The following MAGI2 variants were observed in gnomAD, a reference collection of about 807,000 sequenced individuals.
The protein encoded by MAGI2 is membrane associated guanylate kinase, WW and PDZ domain containing 2.
MAGI2 carries 35 observed loss-of-function variants against 133.3 expected under a neutral mutation model. The observed-to-expected ratio is 0.26, with a 90% CI of 0.20 to 0.35. MAGI2 has a LOEUF of 0.35. Among genes scored for constraint, MAGI2 ranks in the 10% least tolerant of loss-of-function variants. The probability of loss-of-function intolerance (pLI) is 1.00; values close to 1 mark genes in which losing one functional copy is unlikely to be tolerated. For missense variants in MAGI2, 1,636 were observed against 1,863.4 expected (o/e 0.88, Z 2.25); for synonymous variants, 729 against 710.6 (o/e 1.03, Z -0.41).
intron 3 of MAGI2, among the ~76,000 whole-genome samples, chr7:78,612,609 CATT>C (rs999412583): frequency 6.6e-6 from 1 of 152,132 alleles, no homozygotes; most frequent in African/African-American, 2.4e-5. Context: ...GGCCTGGTCT[CATT>C]AACGGAATAA....
At chr7:78,690,798 C>T (rs192155163) in intron 2 of MAGI2, among the ~76,000 whole-genome samples, 4 of 152,258 alleles carry the variant, frequency 2.6e-5, no homozygotes, top group African/African-American at 7.2e-5. Context: ...ATACAGGTCC[C>T]TCAAAAATAT....
chr7:78,994,422 A>G (rs1024736122), intron 2 of MAGI2, among the ~76,000 whole-genome samples: 1 of 152,102 alleles, frequency 6.6e-6, no homozygotes, highest in Non-Finnish European at 1.5e-5. Flanking sequence ...AGTTATGGAA[A>G]TAAGTGTGCA....
chr7:78,483,635 C>A (rs1584343614), intron 6 of MAGI2, among the ~76,000 whole-genome samples: 2 of 151,448 alleles, frequency 1.3e-5, no homozygotes, highest in Non-Finnish European at 2.9e-5. Context: ...TGTATTATTT[C>A]CTCCACAAAA....
At chr7:78,478,517 C>G (rs1792015071) in intron 6 of MAGI2, among the ~76,000 whole-genome samples, 1 of 151,900 alleles carries the variant, frequency 6.6e-6, no homozygotes, top group Non-Finnish European at 1.5e-5. Context: ...ACCTACATCA[C>G]AGAGTAGATT....
chr7:78,573,227 A>T lies in MAGI2; in HGVS notation c.539-51582T>A, dbSNP rs1271389808. 6.8e-5 allele frequency among the ~76,000 whole-genome samples: 4 copies of T among 58,948 alleles called. No homozygotes were observed. The South Asian group carries it at 1.3e-3, about 19-fold the overall frequency. The allele number at this position is 58,948 out of a possible 152,430, so 38.7% of individuals were successfully genotyped here. A position where few individuals can be genotyped will look rare whatever the true frequency, so the allele number is the denominator to read the frequency against. The stretch of plus-strand genomic sequence containing the variant: ...ATAAATATATATATAAATATATATA[A>T]ATATAAATATATATATATAAATATA... On this transcript the variant is annotated intron_variant, in intron 3 of 21. Transcript: ENST00000354212.
At chr7:78,945,276 G>A (rs1801326540) in intron 2 of MAGI2, among the ~76,000 whole-genome samples, 1 of 152,042 alleles carries the variant, frequency 6.6e-6, no homozygotes, top group African/African-American at 2.4e-5. Flanking sequence ...TGGCCAGGCT[G>A]GTCTCAAACT....
At chr7:78,337,810 C>T (rs1433590596) in intron 9 of MAGI2, among the ~76,000 whole-genome samples, 3 of 152,180 alleles carry the variant, frequency 2.0e-5, no homozygotes, top group African/African-American at 7.2e-5. Flanking sequence ...GTCCAATTAG[C>T]ATTGACTAGG....
intron 10 of MAGI2, among the ~76,000 whole-genome samples, chr7:78,215,418 A>G (rs1788169375): frequency 2.6e-5 from 4 of 152,190 alleles, no homozygotes; most frequent in Admixed American, 2.0e-4. Flanking sequence ...CATCCCAGCC[A>G]TCTGTGGACT....
At chr7:78,424,281 T>G (rs954674145) in intron 6 of MAGI2, among the ~76,000 whole-genome samples, 1 of 152,162 alleles carries the variant, frequency 6.6e-6, no homozygotes, top group Non-Finnish European at 1.5e-5. Context: ...CCATGTGGCA[T>G]TGAGCCTGCA....
chr7:79,389,653 A>C (rs573387117), intron 1 of MAGI2, among the ~76,000 whole-genome samples: 2 of 152,264 alleles, frequency 1.3e-5, no homozygotes, highest in East Asian at 3.9e-4. Context: ...CAAGATACTT[A>C]TTTCTAGCCA....
intron 1 of MAGI2, among the ~76,000 whole-genome samples, chr7:79,428,679 A>G (rs1847565841): frequency 6.6e-6 from 1 of 152,208 alleles, no homozygotes; most frequent in African/African-American, 2.4e-5. Flanking sequence ...AGTAACAATC[A>G]GGAGAGTCTT....
intron 6 of MAGI2, among the ~76,000 whole-genome samples, chr7:78,463,582 C>G (rs148368435): frequency 6.3e-4 from 96 of 152,234 alleles, no homozygotes; most frequent in African/African-American, 2.2e-3. Flanking sequence ...GGAGTAGATG[C>G]TACCATGTGA....
chr7:78,325,743 A>C (rs909087357), intron 9 of MAGI2, among the ~76,000 whole-genome samples: 1 of 152,100 alleles, frequency 6.6e-6, no homozygotes, highest in African/African-American at 2.4e-5. Context: ...ACTTCTTCCC[A>C]CTGACCCAAC....
At chr7:78,512,985 A>C (rs1169328481) in intron 4 of MAGI2, among the ~76,000 whole-genome samples, 2 of 152,208 alleles carry the variant, frequency 1.3e-5, no homozygotes, top group African/African-American at 4.8e-5. Flanking sequence ...GATATTTATC[A>C]TAAAGAAACA....
chr7:79,432,501 C>T (rs1458604385), intron 1 of MAGI2, among the ~76,000 whole-genome samples: 1 of 152,188 alleles, frequency 6.6e-6, no homozygotes, highest in African/African-American at 2.4e-5. Flanking sequence ...AAGGTGGGAA[C>T]CTGAGTGGAG....
chr7:79,338,259 G>A (rs181799433), intron 1 of MAGI2, among the ~76,000 whole-genome samples: 33 of 152,206 alleles, frequency 2.2e-4, no homozygotes, highest in Admixed American at 1.4e-3. Flanking sequence ...GCTGTTGCAG[G>A]TGCATCTGCC....
At chr7:79,227,036 C>T (rs1468835478) in intron 1 of MAGI2, among the ~76,000 whole-genome samples, 1 of 152,064 alleles carries the variant, frequency 6.6e-6, no homozygotes, top group Non-Finnish European at 1.5e-5. Context: ...TTTCAAGAAG[C>T]ATTTATTTTT....
chr7:78,118,888 A>G (rs185166506), intron 20 of MAGI2, among the ~76,000 whole-genome samples: 1 of 152,368 alleles, frequency 6.6e-6, no homozygotes, highest in Admixed American at 6.5e-5. Flanking sequence ...TGTCCACACA[A>G]AAATCTGCAC....
At chr7:78,328,502 A>AACACACACACACACACAC (rs1554346526) in intron 9 of MAGI2, among the ~76,000 whole-genome samples, 3,629 of 105,088 alleles carry the variant, frequency 0.035, 148 homozygotes, top group African/African-American at 0.088. Context: ...CCAGCTCTAA[A>AACACACACACACACACAC]ACACACACAC....
Sources: gnomAD v4.1 joint callset for allele counts (sites outside exome capture counted in the v4.1 genomes callset) on GRCh38, gnomAD v4.1.1 for gene constraint, MANE v1.5 for transcripts, NCBI Gene and HGNC (gene_info 2026-07-23, HGNC 2026-07-21) for gene names.